SMG1: variants seen among roughly 807,000 people sequenced by gnomAD.
The protein encoded by SMG1 is serine/threonine-protein kinase SMG1.
In SMG1, 22 loss-of-function variants were observed where a neutral mutation model predicts 419.9. The ratio of observed to expected loss-of-function variants is 0.05; its 90% CI spans 0.04 to 0.07. The LOEUF is 0.07. SMG1 is among the 10% of genes least tolerant of loss of function. SMG1 has a pLI of 1.00. For missense variants in SMG1, 3,185 were observed against 4,342.0 expected (o/e 0.73, Z 7.49); for synonymous variants, 1,538 against 1,553.5 (o/e 0.99, Z 0.23).
chr16:18,908,365 CAA>C (rs935478285), intron 1 of SMG1, among the ~76,000 whole-genome samples: 29 of 77,558 alleles, frequency 3.7e-4, no homozygotes, highest in Middle Eastern at 9.4e-3. Context: ...ACTCAGTCTC[CAA>C]AAAAAAAAAA....
chr16:18,817,527 G>A (rs1362082020), intron 56 of SMG1, 57 bp from the exon 57 acceptor site: 18 of 1,357,988 alleles, frequency 1.3e-5, no homozygotes, highest in Non-Finnish European at 1.0e-6. Flanking sequence ...GGAAAGGGAG[G>A]TGGCAATTAA....
chr16:18,895,314 A>C (rs2037074294), intron 3 of SMG1, among the ~76,000 whole-genome samples: 2 of 151,980 alleles, frequency 1.3e-5, no homozygotes, highest in African/African-American at 4.8e-5. Flanking sequence ...CCCTGTCTCC[A>C]CTAAAAATGC....
In SMG1 at chr16:18,835,143, G is replaced by A. The variant is rs773149770; in HGVS notation, c.8079C>T (p.Pro2693=). Reference sequence around the variant, plus strand: ...ACTGACACACTGTTGGGGGTGGCTGGGGAGCATATTGCATTTCATATCTAT... The same window carrying A: ...ACTGACACACTGTTGGGGGTGGCTGAGGAGCATATTGCATTTCATATCTAT... The part of the protein sequence containing the change: ...LYRKYEMQYA[P]QPPPTVCQFI... Residue 2693 remains proline (P), a synonymous_variant, in exon 49 of 63, where the codon CCC becomes CCT. Coordinates refer to ENST00000446231, the MANE Select transcript of SMG1 (RefSeq NM_015092.5). 7 of 1,611,234 alleles carry A rather than the reference G, an allele frequency of 4.3e-6. No homozygotes were observed. Among genetic ancestry groups the A allele is most frequent in the South Asian group, 2.2e-5 (2 of 91,042 alleles).
At chr16:18,889,139 T>C (rs998431932) in intron 6 of SMG1, among the ~76,000 whole-genome samples, 1 of 152,174 alleles carries the variant, frequency 6.6e-6, no homozygotes, top group Non-Finnish European at 1.5e-5. Context: ...GCCAATTTCT[T>C]AGAAGAAATC....
chr16:18,854,793 C>G lies in SMG1; in HGVS notation c.4346G>C (p.Ser1449Thr). 3 of 1,614,054 alleles carry G rather than the reference C, an allele frequency of 1.9e-6. No individual in the cohort carries two copies. Among genetic ancestry groups the G allele is most frequent in the Non-Finnish European group, 2.5e-6 (3 of 1,179,890 alleles). ...GGTGGTCTTTCCCAGCTGAACTTCACTGCACTGTGCCAGCAGTCTTGTTGC... is the reference window on the plus strand; with the variant it reads ...GGTGGTCTTTCCCAGCTGAACTTCAGTGCACTGTGCCAGCAGTCTTGTTGC... ...SLATRLLAQC[S>T]EVQLGKTTTA... The change falls in exon 30 of 63, where the codon AGT (serine) becomes ACT (threonine). Residue 1449 changes from serine to threonine, a missense_variant. Around this residue, in one of 27 missense-constraint regions of SMG1, gnomAD observed 493 missense variants for 552.9 expected, o/e 0.89. Transcript: ENST00000446231.
chr16:18,843,922 A>G (rs543923324), intron 39 of SMG1, among the ~76,000 whole-genome samples: 15 of 152,154 alleles, frequency 9.9e-5, no homozygotes, highest in Non-Finnish European at 1.5e-4. Flanking sequence ...GAGCTGTACT[A>G]TATCTAAAAG....
intron 18 of SMG1, among the ~76,000 whole-genome samples, 198 bp from the exon 19 acceptor site, chr16:18,870,192 A>G (rs1310156651): frequency 6.6e-6 from 1 of 152,194 alleles, no homozygotes; most frequent in Non-Finnish European, 1.5e-5. Flanking sequence ...TGCTGACATC[A>G]TAAGAGGATT....
chr16:18,916,148 GCAC>G (rs2037968900), intron 1 of SMG1, among the ~76,000 whole-genome samples: 2 of 121,976 alleles, frequency 1.6e-5, no homozygotes, highest in African/African-American at 6.3e-5. Flanking sequence ...TCTCAAAGAA[GCAC>G]CACAATAGAA....
intron 29 of SMG1, among the ~76,000 whole-genome samples, chr16:18,856,039 G>A (rs199900642): frequency 3.9e-5 from 4 of 101,372 alleles, no homozygotes; most frequent in African/African-American, 1.2e-4. Flanking sequence ...GCCTGCACAC[G>A]TTTTTTCTAA....
Position 18,876,281 on chromosome 16 carries a change from T to C in SMG1, c.1733A>G (p.Asn578Ser), listed in dbSNP as rs757298262. ...ILGEMTCALN[N>S]LLHSLQLPEA... ...AGGAAGTTGTAGACTGTGTAGGAGG[T>C]TGTTTAGGGCACAAGTCATTTCTCC... is the stretch of plus-strand genomic sequence containing the variant. The change falls in exon 13 of 63, where the codon AAC becomes AGC. Residue 578 changes from asparagine (N) to serine (S), a missense_variant. Asn to Ser is a conservative substitution (Grantham distance 46). Coordinates refer to ENST00000446231, the MANE Select transcript of SMG1 (RefSeq NM_015092.5). The C allele has an allele frequency of 9.9e-6, 16 of 1,611,632 alleles. No individual in the cohort carries two copies. Among genetic ancestry groups the C allele is most frequent in the South Asian group, 3.3e-5 (3 of 90,990 alleles).
At chr16:18,913,917 G>GCA (rs1203071611) in intron 1 of SMG1, among the ~76,000 whole-genome samples, 1 of 152,120 alleles carries the variant, frequency 6.6e-6, no homozygotes, top group African/African-American at 2.4e-5. Context: ...TGTAATCCCA[G>GCA]CACTTCGGGA....
Position 18,884,911 on chromosome 16 carries a change from CTAG to C in SMG1, c.1021+176_1021+178del, listed in dbSNP as rs1407371097. 1.8e-5 allele frequency: 11 copies of C among 597,584 alleles called. No homozygotes were observed. In the African/African-American group the frequency reaches 2.1e-4, roughly 11 times the overall value. The allele number at this position is 597,584 out of a possible 1,614,324, so 37.0% of individuals were successfully genotyped here. A position where few individuals can be genotyped will look rare whatever the true frequency, so the allele number is the denominator to read the frequency against. On this transcript the variant is annotated intron_variant, in intron 8 of 62. Coordinates refer to ENST00000446231, the MANE Select transcript of SMG1 (RefSeq NM_015092.5). ...TGTCTGTACTTACTGTACCCACCTA[CTAG>C]TAATTTCCTCTGAAAATACATATTT...
chr16:18,819,287 TTAATATTTAAA>T (rs1223349604), intron 56 of SMG1, among the ~76,000 whole-genome samples: 4 of 150,852 alleles, frequency 2.7e-5, no homozygotes, highest in Non-Finnish European at 5.9e-5. Flanking sequence ...ATTTATTTAA[TTAATATTTAAA>T]TGAGAGGCAG....
chr16:18,813,184 C>T (rs1270233394), intron 60 of SMG1, among the ~76,000 whole-genome samples: 12 of 152,242 alleles, frequency 7.9e-5, no homozygotes, highest in African/African-American at 2.9e-4. Flanking sequence ...GGTATATACC[C>T]AGTAATGGGA....
chr16:18,890,949 C>T, intron 4 of SMG1, 28 bp from the exon 5 acceptor site: 1 of 1,023,502 alleles, frequency 9.8e-7, no homozygotes, highest in Non-Finnish European at 1.5e-6. Flanking sequence ...TTTATAAAAA[C>T]TTCAAATTCC....
intron 6 of SMG1, among the ~76,000 whole-genome samples, chr16:18,886,857 C>A (rs1172598912): frequency 1.3e-5 from 2 of 152,086 alleles, no homozygotes; most frequent in Non-Finnish European, 2.9e-5. Context: ...TTATAATCTA[C>A]ACAGGCACAG....
At chr16:18,811,652 AT>A (rs2031410627) in intron 62 of SMG1, 108 bp downstream of exon 62, 5 of 1,001,424 alleles carry the variant, frequency 5.0e-6, no homozygotes, top group Non-Finnish European at 6.2e-6. Flanking sequence ...CTGAAAACAC[AT>A]TTAAGTTCCT....
At chr16:18,890,401 G>A (rs2036823899) in intron 5 of SMG1, among the ~76,000 whole-genome samples, 2 of 152,222 alleles carry the variant, frequency 1.3e-5, no homozygotes. Context: ...ACTTTGGGAG[G>A]CTAAGGTGGG....
intron 50 of SMG1, 30 bp from the exon 51 acceptor site, chr16:18,833,196 T>A (rs1208392680): frequency 6.3e-7 from 1 of 1,577,304 alleles, no homozygotes; most frequent in Non-Finnish European, 8.7e-7. Flanking sequence ...AAACTTTTAA[T>A]GTTTTTTGAG....
Sources: allele counts gnomAD v4.1 joint callset (sites outside exome capture counted in the v4.1 genomes callset), GRCh38; gene constraint gnomAD v4.1.1; regional missense constraint gnomAD v4.1.1; transcripts MANE v1.5; gene names NCBI Gene and HGNC (gene_info 2026-07-23, HGNC 2026-07-21).